SOX5: variants seen among roughly 807,000 people sequenced by gnomAD.
SOX5 encodes the protein SRY-box transcription factor 5.
SOX5 carries 9 observed loss-of-function variants against 92.0 expected under a neutral mutation model. The ratio of observed to expected loss-of-function variants is 0.10; its 90% confidence interval spans 0.06 to 0.17. The LOEUF (loss-of-function observed/expected upper bound fraction) is 0.17. Ranked by LOEUF, SOX5 falls within the 10% of genes least tolerant of loss-of-function variation. SOX5 has a pLI of 1.00. For missense variants in SOX5, 642 were observed against 944.5 expected (o/e 0.68, Z 4.20); for synonymous variants, 344 against 336.3 (o/e 1.02, Z -0.25).
intron 6 of SOX5, among the ~76,000 whole-genome samples, chr12:23,729,765 A>G (rs182230803): frequency 6.6e-6 from 1 of 152,336 alleles, no homozygotes; most frequent in East Asian, 1.9e-4. Context: ...AAAGAAGTAC[A>G]GTATCTTTAA....
At chr12:23,688,888 C>G (rs1390213077) in intron 6 of SOX5, among the ~76,000 whole-genome samples, 1 of 152,056 alleles carries the variant, frequency 6.6e-6, no homozygotes, top group African/African-American at 2.4e-5. Context: ...TAAATGTCTG[C>G]TGAATGAACA....
At chr12:24,053,676 G>C (rs12425199) in intron 4 of SOX5, among the ~76,000 whole-genome samples, 3,779 of 152,242 alleles carry the variant, frequency 0.025, 66 homozygotes, top group South Asian at 0.055. Flanking sequence ...TGTTTGCAAA[G>C]TGGGCTGCAA....
chr12:24,348,409 G>C (rs909178000), intron 2 of SOX5, among the ~76,000 whole-genome samples: 1 of 97,832 alleles, frequency 1.0e-5, no homozygotes, highest in Admixed American at 9.2e-5. Context: ...TTGAGATGGA[G>C]GCTCACTCTG....
chr12:24,416,011 CTGGACAT>C (rs1288115009), intron 1 of SOX5, among the ~76,000 whole-genome samples: 1 of 152,188 alleles, frequency 6.6e-6, no homozygotes, highest in Non-Finnish European at 1.5e-5. Context: ...AAAACTTATC[CTGGACAT>C]TGAAATTCTT....
intron 4 of SOX5, among the ~76,000 whole-genome samples, chr12:24,178,775 G>A (rs752749294): frequency 1.3e-5 from 2 of 152,158 alleles, no homozygotes; most frequent in Admixed American, 6.5e-5. Context: ...AAAGTAGAAT[G>A]AATTATTTCT....
chr12:24,292,326 A>C (rs1026591263), intron 2 of SOX5, among the ~76,000 whole-genome samples: 1 of 152,236 alleles, frequency 6.6e-6, no homozygotes, highest in African/African-American at 2.4e-5. Context: ...TAAAAAGGAG[A>C]CTAATGCTTC....
chr12:23,838,852 G>GGGC (rs2096473191), intron 3 of SOX5, among the ~76,000 whole-genome samples: 1 of 98,180 alleles, frequency 1.0e-5, no homozygotes, highest in Non-Finnish European at 2.1e-5. Context: ...TTGGGGGGGG[G>GGGC]GGGCGGGGAT....
intron 2 of SOX5, among the ~76,000 whole-genome samples, chr12:24,311,218 T>C (rs77097662): frequency 0.029 from 4,430 of 152,300 alleles, 201 homozygotes; most frequent in African/African-American, 0.1. Context: ...CCACCCAGTT[T>C]ATTACTCTAA....
At chr12:24,486,418 A>G (rs1251332012) in intron 1 of SOX5, among the ~76,000 whole-genome samples, 8 of 152,168 alleles carry the variant, frequency 5.3e-5, no homozygotes, top group African/African-American at 1.9e-4. Context: ...GCCAACTCCA[A>G]TCTGAAGCAG....
chr12:24,394,577 C>A (rs7306697), intron 1 of SOX5, among the ~76,000 whole-genome samples: 51,555 of 151,970 alleles, frequency 0.34, 9,023 homozygotes, highest in Non-Finnish European at 0.39. Flanking sequence ...CTGCTCTAAG[C>A]ATTGGGTATC....
intron 4 of SOX5, among the ~76,000 whole-genome samples, chr12:24,045,410 C>T (rs959465201): frequency 6.6e-6 from 1 of 152,124 alleles, no homozygotes; most frequent in Non-Finnish European, 1.5e-5. Context: ...GAAACCCTCC[C>T]ACTCAGCCTC....
intron 4 of SOX5, among the ~76,000 whole-genome samples, chr12:23,979,913 C>CAGA (rs1555459467): frequency 0.063 from 7,820 of 123,910 alleles, 272 homozygotes; most frequent in African/African-American, 0.086. Context: ...GGCTGGCTGG[C>CAGA]CAGACAGACA....
At chr12:23,962,011 T>G (rs1008765499) in intron 4 of SOX5, among the ~76,000 whole-genome samples, 7 of 152,106 alleles carry the variant, frequency 4.6e-5, no homozygotes, top group African/African-American at 1.4e-4. Context: ...AAACTTTTGG[T>G]GGAAAAAGTG....
intron 1 of SOX5, among the ~76,000 whole-genome samples, chr12:24,433,471 G>C (rs1355309284): frequency 1.3e-5 from 2 of 152,062 alleles, no homozygotes; most frequent in Non-Finnish European, 2.9e-5. Context: ...GTCTTGATTT[G>C]GGCACTACAG....
chr12:23,881,030 C>G (rs954250377), intron 2 of SOX5, among the ~76,000 whole-genome samples: 18 of 152,076 alleles, frequency 1.2e-4, no homozygotes, highest in African/African-American at 4.3e-4. Context: ...TACTGTCTAA[C>G]CCCAAAATGC....
At chr12:23,557,088 G>A (rs1284356474) in intron 11 of SOX5, among the ~76,000 whole-genome samples, 2 of 152,150 alleles carry the variant, frequency 1.3e-5, no homozygotes, top group African/African-American at 4.8e-5. Flanking sequence ...CTCTGTTAAA[G>A]GGAAAGAAAA....
At chr12:24,465,211 C>G (rs1030363541) in intron 1 of SOX5, among the ~76,000 whole-genome samples, 6 of 152,214 alleles carry the variant, frequency 3.9e-5, no homozygotes, top group Admixed American at 1.3e-4. Context: ...AACCACACAA[C>G]TAATAAATGA....
At chr12:23,556,601 A>G (rs1382014697) in intron 11 of SOX5, among the ~76,000 whole-genome samples, 1 of 152,196 alleles carries the variant, frequency 6.6e-6, no homozygotes, top group Non-Finnish European at 1.5e-5. Context: ...GATTTACCTA[A>G]CATGCCTACT....
intron 6 of SOX5, among the ~76,000 whole-genome samples, chr12:23,679,755 A>G (rs2086281225): frequency 6.6e-6 from 1 of 152,216 alleles, no homozygotes; most frequent in Admixed American, 6.5e-5. Flanking sequence ...ATTCCCACAG[A>G]TGAAGTTCAG....
Sources: gnomAD v4.1 joint callset for allele counts (sites outside exome capture counted in the v4.1 genomes callset) on GRCh38, gnomAD v4.1.1 for gene constraint, MANE v1.5 for transcripts, NCBI Gene and HGNC (gene_info 2026-07-23, HGNC 2026-07-21) for gene names.